The following SPTBN1 variants were observed in gnomAD, a reference collection of about 807,000 sequenced individuals.
SPTBN1 encodes the protein spectrin beta, non-erythrocytic 1, also known as spectrin beta chain, non-erythrocytic 1.
In SPTBN1, 32 loss-of-function variants were observed where a neutral mutation model predicts 266.4. The ratio of observed to expected loss-of-function variants is 0.12; its 90% CI spans 0.09 to 0.16. The LOEUF is 0.16. SPTBN1 is among the 10% of genes least tolerant of loss of function. SPTBN1 has a pLI of 1.00. For missense variants in SPTBN1, 2,296 were observed against 3,067.1 expected, an observed-to-expected ratio of 0.75 and a Z score of 5.94; for synonymous variants, 1,336 against 1,162.2, an observed-to-expected ratio of 1.15 and a Z score of -3.04.
intron 17 of SPTBN1, 122 bp downstream of exon 17, chr2:54,632,890 C>G (rs1678850246): frequency 1.9e-6 from 2 of 1,055,214 alleles, no homozygotes; most frequent in Non-Finnish European, 2.7e-6. Context: ...ATATGGGTGC[C>G]CAGCAGAAGT....
At chr2:54,482,616 G>A (rs777261279) in intron 1 of SPTBN1, among the ~76,000 whole-genome samples, 1 of 152,196 alleles carries the variant, frequency 6.6e-6, no homozygotes, top group Non-Finnish European at 1.5e-5. Flanking sequence ...GAATTAAAAT[G>A]AAGTAAACTG....
chr2:54,667,659 A>C lies in SPTBN1; in HGVS notation c.6876+13A>C, dbSNP rs1471461949. 6.2e-7 allele frequency: 1 copy of C among 1,612,452 alleles called. No individual in the cohort carries two copies. Among genetic ancestry groups the C allele is most frequent in the African/African-American group, 1.3e-5 (1 of 74,884 alleles). Reference sequence around the variant, plus strand: ...AGCCAAAGACGATGTAAGTTTCTAAATGTTATTTCTCTCCACTACTTAGGA... The same window carrying C: ...AGCCAAAGACGATGTAAGTTTCTAACTGTTATTTCTCTCCACTACTTAGGA... On this transcript the variant is annotated intron_variant, in intron 35 of 35. Coordinates refer to ENST00000356805, the MANE Select transcript of SPTBN1 (RefSeq NM_003128.3).
intron 11 of SPTBN1, 44 bp from the exon 12 acceptor site, chr2:54,625,888 G>A: frequency 6.3e-7 from 1 of 1,584,684 alleles, no homozygotes; most frequent in Non-Finnish European, 8.6e-7. Context: ...ACTGTGCCCG[G>A]GTGGATTTTT....
intron 1 of SPTBN1, among the ~76,000 whole-genome samples, chr2:54,463,158 A>C (rs892503708): frequency 1.4e-4 from 22 of 151,852 alleles, no homozygotes; most frequent in African/African-American, 5.1e-4. Context: ...AGAGATGGGA[A>C]AATGGTTGTG....
rs574020245 is a variant in SPTBN1, at chr2:54,601,865, A to G, written c.300+2622A>G. On this transcript the variant is annotated intron_variant, in intron 3 of 35. Coordinates refer to ENST00000356805, the MANE Select transcript of SPTBN1 (RefSeq NM_003128.3). ...GTTCAAAGAAACATTAATGACCCAGACAATTCCACCCTCACCCCACCCTGG... is the reference window on the plus strand; with the variant it reads ...GTTCAAAGAAACATTAATGACCCAGGCAATTCCACCCTCACCCCACCCTGG... 5.5e-4 allele frequency among the ~76,000 whole-genome samples: 84 copies of G among 152,312 alleles called. No individual in the cohort carries two copies. The South Asian group carries it at 0.015, about 27-fold the overall frequency.
chr2:54,626,081 G>A lies in SPTBN1; in HGVS notation c.1491G>A (p.Lys497=). Residue 497 remains lysine (K), a synonymous_variant, in exon 12 of 36, where the codon AAG becomes AAA. Transcript: ENST00000356805. The surrounding 1 kb of genome is among the most constrained non-coding windows in gnomAD (Gnocchi z 4.7). ...AGGCCGAGAATTACCACGACATCAA[G>A]CGCATCACAGCGAGGAAGGACAATG... is the stretch of plus-strand genomic sequence containing the variant. ...ELEAENYHDI[K]RITARKDNVI... 5 of 1,614,176 alleles carry A rather than the reference G, an allele frequency of 3.1e-6. No individual in the cohort carries two copies. Among genetic ancestry groups the A allele is most frequent in the Admixed American group, 3.3e-5 (2 of 60,028 alleles).
At chr2:54,474,698 T>C (rs567232136) in intron 1 of SPTBN1, among the ~76,000 whole-genome samples, 5 of 152,308 alleles carry the variant, frequency 3.3e-5, no homozygotes, top group South Asian at 4.1e-4. Flanking sequence ...ACCGTAACTA[T>C]GTAGAAAAAT....
chr2:54,584,662 A>T (rs1192919383), intron 2 of SPTBN1, among the ~76,000 whole-genome samples: 1 of 152,178 alleles, frequency 6.6e-6, no homozygotes, highest in Non-Finnish European at 1.5e-5. Flanking sequence ...TCCCACCCAG[A>T]TCCAAGATTA....
intron 18 of SPTBN1, among the ~76,000 whole-genome samples, chr2:54,640,182 A>C (rs1679431299): frequency 6.6e-6 from 1 of 152,184 alleles, no homozygotes; most frequent in South Asian, 2.1e-4. Context: ...GAATCTTTTG[A>C]GAATGGCGTT....
intron 1 of SPTBN1, among the ~76,000 whole-genome samples, chr2:54,499,462 T>G (rs1216111218): frequency 2.6e-5 from 4 of 152,170 alleles, no homozygotes; most frequent in Non-Finnish European, 4.4e-5. Flanking sequence ...ATGGACATAA[T>G]GGAGGAAGGT....
chr2:54,605,283 T>C (rs577085646), intron 3 of SPTBN1, among the ~76,000 whole-genome samples: 1 of 152,328 alleles, frequency 6.6e-6, no homozygotes, highest in East Asian at 1.9e-4. Context: ...TCCTTTCACA[T>C]GGAAGCATGT....
At chr2:54,484,412 A>G (rs1305784632) in intron 1 of SPTBN1, among the ~76,000 whole-genome samples, 1 of 152,056 alleles carries the variant, frequency 6.6e-6, no homozygotes, top group Non-Finnish European at 1.5e-5. Flanking sequence ...GTTAGTACTC[A>G]TCTGCTATTT....
At chr2:54,630,563 A>T (rs930388514) in intron 15 of SPTBN1, among the ~76,000 whole-genome samples, 1 of 152,242 alleles carries the variant, frequency 6.6e-6, no homozygotes, top group African/African-American at 2.4e-5. Context: ...AATGTGTCAC[A>T]GACATGAATT....
At chr2:54,492,338 G>GGTTTTTTTTTTTTTTTTTTTT (rs1558775035) in intron 1 of SPTBN1, among the ~76,000 whole-genome samples, 1 of 118,112 alleles carries the variant, frequency 8.5e-6, no homozygotes, top group Non-Finnish European at 1.7e-5. Context: ...TTTGTCTGCA[G>GGTTTTTTTTTTTTTTTTTTTT]TTGTTTTTTT....
rs139010378 is a variant in SPTBN1 at position 54,651,958 on chromosome 2, C to G, written c.5578-1651C>G. ...ATCACCTAAAGTGCTTCTGTGCAAT[C>G]AGGGGTCAGTAATCCACCTCCCCAC... On this transcript the variant is annotated intron_variant, in intron 26 of 35. Coordinates refer to ENST00000356805, the MANE Select transcript of SPTBN1 (RefSeq NM_003128.3). 1.4e-3 allele frequency among the ~76,000 whole-genome samples: 210 copies of G among 152,230 alleles called. 2 individuals carry two copies. In the East Asian group the frequency reaches 0.032, roughly 23 times the overall value.
At chr2:54,541,555 C>T (rs1432934657) in intron 2 of SPTBN1, among the ~76,000 whole-genome samples, 1 of 152,182 alleles carries the variant, frequency 6.6e-6, no homozygotes, top group African/African-American at 2.4e-5. Context: ...GGCATGCCCA[C>T]ATGTGGATTT....
intron 1 of SPTBN1, among the ~76,000 whole-genome samples, chr2:54,484,756 C>T (rs567279076): frequency 1.3e-4 from 9 of 70,262 alleles, no homozygotes; most frequent in East Asian, 1.1e-3. Flanking sequence ...TGCCTGTACC[C>T]GGCGTGGGGT....
At chr2:54,542,613 C>T (rs1672001225) in intron 2 of SPTBN1, among the ~76,000 whole-genome samples, 1 of 152,174 alleles carries the variant, frequency 6.6e-6, no homozygotes, top group Non-Finnish European at 1.5e-5. Context: ...TCAGAAGGAT[C>T]CCTCTGGGGA....
rs574319374 is a variant in SPTBN1 at position 54,526,273 on chromosome 2, A to G, written c.-47-99A>G. ...TGCTCCAGAAGACCTATTCTTGGCA[A>G]GCACTGTTTTTATTTTCTGCTCACT... is the stretch of plus-strand genomic sequence containing the variant. On this transcript the variant is annotated intron_variant, in intron 1 of 35. Coordinates refer to ENST00000356805, the MANE Select transcript of SPTBN1 (RefSeq NM_003128.3). 31 of 947,352 alleles carry G rather than the reference A, an allele frequency of 3.3e-5. No individual in the cohort carries two copies. In the South Asian group the frequency reaches 4.3e-4, roughly 13 times the overall value. 58.7% of individuals were successfully genotyped at this position (947,352 alleles called of 1,614,324 possible). A position where few individuals can be genotyped will look rare whatever the true frequency, so the allele number is the denominator to read the frequency against.
Sources: gnomAD v4.1 joint callset for allele counts (sites outside exome capture counted in the v4.1 genomes callset) on GRCh38, gnomAD v4.1.1 for gene constraint, Gnocchi (gnomAD v3.1) non-coding constraint, MANE v1.5 for transcripts, NCBI Gene and HGNC (gene_info 2026-07-23, HGNC 2026-07-21) for gene names.